MRPL4: variants seen among roughly 807,000 people sequenced by gnomAD.
MRPL4 encodes the protein mitochondrial ribosomal protein L4, also known as large ribosomal subunit protein uL4m.
MRPL4 carries 34 observed loss-of-function variants against 34.1 expected under a neutral mutation model. That is an observed-to-expected ratio of 1.00 (90% CI 0.76 to 1.33). The LOEUF is 1.33. MRPL4 is among the 40% of genes most tolerant of loss of function. MRPL4 has a pLI of 0.00. For missense variants in MRPL4, 402 were observed against 434.6 expected (o/e 0.92, Z 0.67); for synonymous variants, 196 against 188.3 (o/e 1.04, Z -0.33).
At chr19:10,259,501 C>G in intron 8 of MRPL4, 116 bp from the exon 9 acceptor site, 1 of 1,493,402 alleles carries the variant, frequency 6.7e-7, no homozygotes, top group Non-Finnish European at 8.9e-7. Context: ...CACAAAGTCA[C>G]ACTAGACCAC....
intron 4 of MRPL4, chr19:10,254,927 C>T (rs2039835122): frequency 4.2e-6 from 1 of 237,154 alleles, no homozygotes; most frequent in East Asian, 1.1e-4. Context: ...GCCTCTGCCT[C>T]CTGAGTAGCT....
intron 5 of MRPL4, 47 bp from the exon 6 acceptor site, chr19:10,258,175 A>G (rs2039869019): frequency 1.5e-6 from 2 of 1,373,362 alleles, no homozygotes. Context: ...GCTGACCTCC[A>G]GGCTCTGCAG....
chr19:10,252,072 A>T, upstream of MRPL4: 1 of 644,702 alleles, frequency 1.6e-6, no homozygotes, highest in Non-Finnish European at 2.5e-6. Flanking sequence ...TCTGGGGGTT[A>T]GTCCTGGGGT....
intron 8 of MRPL4, chr19:10,258,940 C>T (rs1484349742): frequency 1.4e-6 from 2 of 1,423,666 alleles, no homozygotes; most frequent in African/African-American, 1.4e-5. Context: ...CCCATCTGTA[C>T]TAAAAATAAA....
At chr19:10,252,817 C>T in intron 3 of MRPL4, 116 bp downstream of exon 3, 3 of 1,350,840 alleles carry the variant, frequency 2.2e-6, no homozygotes, top group South Asian at 1.4e-5. Context: ...CTACAGCCTC[C>T]GTTTCTCCAC....
At chr19:10,253,485 AAAAG>A (rs2039818781) in intron 3 of MRPL4, among the ~76,000 whole-genome samples, 3 of 150,376 alleles carry the variant, frequency 2.0e-5, no homozygotes, top group Admixed American at 6.7e-5. Flanking sequence ...AAAAAAAAAA[AAAAG>A]AAAGAAAAGA....
rs993859326 is a variant in MRPL4 at position 10,259,304 on chromosome 19, G to A, written c.740-313G>A. 33 of 1,374,052 alleles carry A rather than the reference G, an allele frequency of 2.4e-5. No homozygotes were observed. The East Asian group carries it at 2.6e-4, about 11-fold the overall frequency. 85.1% of individuals were successfully genotyped at this position (1,374,052 alleles called of 1,614,324 possible). ...CGTCAGGCCCTGCACGATGTGCCCC[G>A]TCACCTCCCTGCCCTCCCGTCATTT... is the stretch of plus-strand genomic sequence containing the variant. On this transcript the variant is annotated intron_variant, in intron 8 of 8. Coordinates refer to ENST00000253099, the MANE Select transcript of MRPL4 (RefSeq NM_015956.3).
chr19:10,254,570 G>C lies in MRPL4; in HGVS notation c.276-19G>C. On this transcript the variant is annotated intron_variant, in intron 3 of 8. Coordinates refer to ENST00000253099, the MANE Select transcript of MRPL4 (RefSeq NM_015956.3). ...TTTGAAGCAGAGTTGGGCTTCTCAT[G>C]TGTCCTTCCTCCCCGCAGGCTGGAC... is the stretch of plus-strand genomic sequence containing the variant. 6.2e-7 allele frequency: 1 copy of C among 1,613,368 alleles called. No homozygotes were observed. The highest frequency in any genetic ancestry group is 8.5e-7 in the Non-Finnish European group (1 of 1,179,498).
chr19:10,254,438 C>T lies in MRPL4; in HGVS notation c.276-151C>T, dbSNP rs555843633. ...AGAGGGAACAGCAAGTGCCAAGGCC[C>T]TGAGGCAGAATTTCAAGATGGGGTC... On this transcript the variant is annotated intron_variant, in intron 3 of 8. Transcript: ENST00000253099. The T allele has an allele frequency of 1.5e-5, 12 of 817,928 alleles. No homozygotes were observed. The African/African-American group carries it at 1.7e-4, about 12-fold the overall frequency. The allele number at this position is 817,928 out of a possible 1,614,324, so 50.7% of individuals were successfully genotyped here.
At position 10,259,821 on chromosome 19, in the gene MRPL4, C is replaced by G. The variant is rs759817871; in HGVS notation, c.*8C>G. ...ACCCCGTACCACTGTTGATGTGAAG[C>G]ACCTCTTCTGAGCCAGGCCGAGCCC... On this transcript the variant is annotated 3_prime_UTR_variant, in exon 9 of 9. Coordinates refer to ENST00000253099, the MANE Select transcript of MRPL4 (RefSeq NM_015956.3). 37 of 1,599,092 alleles carry G rather than the reference C, an allele frequency of 2.3e-5. No individual in the cohort carries two copies. The highest frequency in any genetic ancestry group is 3.1e-5 in the Non-Finnish European group (36 of 1,169,514).
chr19:10,252,813 C>G, intron 3 of MRPL4, 112 bp downstream of exon 3: 1 of 1,379,318 alleles, frequency 7.2e-7, no homozygotes. Context: ...ATTTCTACAG[C>G]CTCCGTTTCT....
At chr19:10,259,586 G>T in intron 8 of MRPL4, 31 bp from the exon 9 acceptor site, 1 of 1,461,482 alleles carries the variant, frequency 6.8e-7, no homozygotes, top group Non-Finnish European at 8.9e-7. Flanking sequence ...GGCCTGACCG[G>T]CCCCCCGCCC....
At chr19:10,258,555 C>T in intron 7 of MRPL4, 33 bp downstream of exon 7, 2 of 1,614,048 alleles carry the variant, frequency 1.2e-6, no homozygotes, top group Non-Finnish European at 1.7e-6. Flanking sequence ...GGGCAGGGGG[C>T]CCTGAGCTCC....
At chr19:10,259,026 G>A (rs1400102110) in intron 8 of MRPL4, 46 of 1,408,486 alleles carry the variant, frequency 3.3e-5, no homozygotes, top group Non-Finnish European at 4.2e-5. Context: ...TTGAGCTCAG[G>A]GGGCCAAGGC....
intron 8 of MRPL4, chr19:10,259,222 C>A: frequency 7.5e-7 from 1 of 1,326,502 alleles, no homozygotes; most frequent in South Asian, 2.3e-5. Context: ...TCAACCCACG[C>A]CCCTCGCTGG....
At chr19:10,258,973 A>G (rs1419713707) in intron 8 of MRPL4, 2 of 1,410,868 alleles carry the variant, frequency 1.4e-6, no homozygotes, top group African/African-American at 2.9e-5. Flanking sequence ...GGCGATGTGC[A>G]CCTGTAGTCC....
chr19:10,254,689 G>C (rs1170489380), intron 4 of MRPL4, 49 bp downstream of exon 4: 1 of 1,606,824 alleles, frequency 6.2e-7, no homozygotes, highest in East Asian at 2.2e-5. Flanking sequence ...TCCTGGGGAG[G>C]TTGGGGATAG....
At position 10,252,646 on chromosome 19, in the gene MRPL4, C is replaced by T; in HGVS notation, c.220C>T (p.Gln74Ter). The change falls in exon 3 of 9, where the codon CAG becomes TAG. Residue 74 changes from glutamine to a stop codon, truncating the protein, a stop_gained. Coordinates refer to ENST00000253099, the MANE Select transcript of MRPL4 (RefSeq NM_015956.3). LOFTEE classifies it high-confidence loss of function. ...GGTCGAGTCCTTGCGGGGCTTCGAGCAGGAGCGCGTGGGCCTGGCCGACCT... is the reference window on the plus strand; with the variant it reads ...GGTCGAGTCCTTGCGGGGCTTCGAGTAGGAGCGCGTGGGCCTGGCCGACCT... ...AWVESLRGFE[Q>*]ERVGLADLHP... 2 of 1,609,606 alleles carry T rather than the reference C, an allele frequency of 1.2e-6. No individual in the cohort carries two copies.
At chr19:10,258,142 C>T in intron 5 of MRPL4, 80 bp from the exon 6 acceptor site, 8 of 1,014,952 alleles carry the variant, frequency 7.9e-6, no homozygotes, top group Non-Finnish European at 1.2e-5. Context: ...CTCGTCACCC[C>T]ATGCCAGCCA....
Sources: allele counts gnomAD v4.1 joint callset (sites outside exome capture counted in the v4.1 genomes callset), GRCh38; gene constraint gnomAD v4.1.1; transcripts MANE v1.5; gene names NCBI Gene and HGNC (gene_info 2026-07-23, HGNC 2026-07-21).